The following NEDD9 variants were observed in gnomAD, a reference collection of about 807,000 sequenced individuals.
The protein encoded by NEDD9 is neural precursor cell expressed, developmentally down-regulated 9, also known as enhancer of filamentation 1.
In NEDD9, 26 loss-of-function variants were observed where a neutral mutation model predicts 76.6. That is an observed-to-expected ratio of 0.34 (90% CI 0.25 to 0.47). The LOEUF (loss-of-function observed/expected upper bound fraction) is 0.47, where lower values mean the gene tolerates loss of function less well. Among genes scored for constraint, NEDD9 ranks in the 20% least tolerant of loss-of-function variants. The probability of loss-of-function intolerance (pLI) is 1.00; values close to 1 mark genes in which losing one functional copy is unlikely to be tolerated. For synonymous variants in NEDD9, 392 were observed against 414.2 expected, an observed-to-expected ratio of 0.95 and a Z score of 0.65; for missense variants, 937 against 1,058.5, an observed-to-expected ratio of 0.89 and a Z score of 1.59.
chr6:11,189,208 G>A (rs747542401), intron 5 of NEDD9, among the ~76,000 whole-genome samples: 1 of 152,174 alleles, frequency 6.6e-6, no homozygotes, highest in Non-Finnish European at 1.5e-5. Context: ...GCCTCCCAAA[G>A]TGCTGGGATT....
chr6:11,276,762 G>A (rs1395116997), intron 3 of NEDD9, among the ~76,000 whole-genome samples: 1 of 152,178 alleles, frequency 6.6e-6, no homozygotes, highest in Non-Finnish European at 1.5e-5. Context: ...GAGCACAGTA[G>A]TAACATGTGC....
At chr6:11,281,800 C>T (rs186926226) in intron 3 of NEDD9, among the ~76,000 whole-genome samples, 137 of 152,300 alleles carry the variant, frequency 9.0e-4, no homozygotes, top group African/African-American at 3.0e-3. Flanking sequence ...GTCACCCAGG[C>T]TGGGGTGCTG....
At position 11,240,059 on chromosome 6, in the gene NEDD9, A is replaced by G. The variant is rs534571433; in HGVS notation, c.13-26332T>C. ...CTTCATCTCAAAAAAAAAAAAAAAA[A>G]AAAAGAAATTTGTTTCTGCAGATGG... On this transcript the variant is annotated intron_variant, in intron 3 of 3. Transcript: ENST00000397378. Among the ~76,000 whole-genome samples, 10 of 151,762 alleles carry G rather than the reference A, an allele frequency of 6.6e-5. No homozygotes were observed. The South Asian group carries it at 1.5e-3, about 22-fold the overall frequency.
chr6:11,376,802 C>CA (rs1762974319), intron 1 of NEDD9, among the ~76,000 whole-genome samples: 1 of 152,204 alleles, frequency 6.6e-6, no homozygotes, highest in Non-Finnish European at 1.5e-5. Context: ...CAAGACAAGG[C>CA]AAAAACCCTC....
At chr6:11,210,367 C>T (rs913002612) in intron 2 of NEDD9, among the ~76,000 whole-genome samples, 3 of 152,154 alleles carry the variant, frequency 2.0e-5, no homozygotes, top group African/African-American at 7.2e-5. Context: ...TCCTTATTTT[C>T]TTATTCAAGA....
At chr6:11,355,726 T>A (rs925908341) in intron 1 of NEDD9, among the ~76,000 whole-genome samples, 22 of 151,132 alleles carry the variant, frequency 1.5e-4, no homozygotes, top group East Asian at 3.9e-4. Context: ...TTTTTTTTTT[T>A]AATTATTTTT....
chr6:11,337,844 C>T (rs900414652), intron 1 of NEDD9, among the ~76,000 whole-genome samples: 10 of 152,202 alleles, frequency 6.6e-5, no homozygotes, highest in African/African-American at 2.4e-4. Flanking sequence ...AGTTTAAGCT[C>T]TCTTCTTTCC....
At chr6:11,302,374 A>G (rs1224737087) in intron 3 of NEDD9, among the ~76,000 whole-genome samples, 1 of 152,212 alleles carries the variant, frequency 6.6e-6, no homozygotes, top group Admixed American at 6.5e-5. Context: ...GCAATAATTA[A>G]TAGCCTACCA....
Position 11,326,643 on chromosome 6 carries a change from T to C in NEDD9, c.-153+7858A>G, listed in dbSNP as rs144871440. ...CCAGTGTGGATTCATATTTTTTAAA[T>C]CATAAAAATTCACCAGCTTCCCTCT... is the stretch of plus-strand genomic sequence containing the variant. On this transcript the variant is annotated intron_variant, in intron 2 of 3. Coordinates refer to the NEDD9 transcript ENST00000397378. 3.1e-3 allele frequency among the ~76,000 whole-genome samples: 468 copies of C among 152,324 alleles called. 1 individual carries two copies. Among genetic ancestry groups the C allele is most frequent in the Non-Finnish European group, 5.4e-3 (366 of 68,032 alleles).
At chr6:11,330,982 A>T (rs1382595330) in intron 2 of NEDD9, among the ~76,000 whole-genome samples, 1 of 152,170 alleles carries the variant, frequency 6.6e-6, no homozygotes, top group Non-Finnish European at 1.5e-5. Context: ...TATTGTGTAG[A>T]TACTCTACTC....
chr6:11,236,877 A>G (rs139571675), upstream of NEDD9, among the ~76,000 whole-genome samples: 133 of 152,220 alleles, frequency 8.7e-4, no homozygotes, highest in Non-Finnish European at 1.5e-3. This position sits in a 1 kb window ranked among gnomAD's most constrained non-coding sequence, Gnocchi z 5.5. Flanking sequence ...GGCATGGACC[A>G]CCATCTGAAC....
intron 3 of NEDD9, among the ~76,000 whole-genome samples, chr6:11,301,559 T>C (rs1761044588): frequency 6.6e-6 from 1 of 152,340 alleles, no homozygotes; most frequent in Middle Eastern, 3.4e-3. Context: ...ATCAACAGAA[T>C]ATACATTCTT....
chr6:11,347,362 G>C (rs956968810), intron 1 of NEDD9, among the ~76,000 whole-genome samples: 13 of 152,132 alleles, frequency 8.5e-5, no homozygotes, highest in Non-Finnish European at 1.3e-4. Context: ...ACAAAGAAGA[G>C]CTGGTACTGA....
chr6:11,189,913 G>T (rs763679711), intron 5 of NEDD9, 51 bp downstream of exon 5: 2 of 1,494,172 alleles, frequency 1.3e-6, no homozygotes, highest in African/African-American at 1.4e-5. Context: ...TCTTTCTCAG[G>T]CTCCCTGCAT....
chr6:11,318,089 C>A (rs931388410), intron 2 of NEDD9, among the ~76,000 whole-genome samples: 1 of 152,146 alleles, frequency 6.6e-6, no homozygotes, highest in Non-Finnish European at 1.5e-5. Flanking sequence ...GGGTCTCAAA[C>A]CTGCTGGCCT....
chr6:11,324,355 C>T (rs1415959757), intron 2 of NEDD9, among the ~76,000 whole-genome samples: 1 of 152,206 alleles, frequency 6.6e-6, no homozygotes, highest in Non-Finnish European at 1.5e-5. Flanking sequence ...GCTGTGCACA[C>T]TGCCCTGTGT....
chr6:11,352,311 A>G (rs1228795593), intron 1 of NEDD9: 12 of 151,890 alleles, frequency 7.9e-5, no homozygotes, highest in African/African-American at 2.7e-4. Flanking sequence ...ATGTTTACAG[A>G]CACTGAGCCC....
At position 11,209,729 on chromosome 6, in the gene NEDD9, T is replaced by A. The variant is rs141287885; in HGVS notation, c.459+3552A>T. Among the ~76,000 whole-genome samples the A allele has an allele frequency of 4.6e-5, 7 of 152,332 alleles. No individual in the cohort carries two copies. The East Asian group carries it at 1.3e-3, about 29-fold the overall frequency. ...ATGGTCAGTAACTTACCAAAGGATA[T>A]ACAGCTATGGAGAAACAACCCAGCA... On this transcript the variant is annotated intron_variant, in intron 2 of 6. Transcript: ENST00000379446.
At chr6:11,208,124 G>A (rs10807059) in intron 2 of NEDD9, among the ~76,000 whole-genome samples, 19 of 150,598 alleles carry the variant, frequency 1.3e-4, no homozygotes, top group East Asian at 3.9e-4. Context: ...GTTGCAGTGA[G>A]CCGAGATGGC....
Sources: allele counts gnomAD v4.1 joint callset (sites outside exome capture counted in the v4.1 genomes callset), GRCh38; gene constraint gnomAD v4.1.1; non-coding constraint Gnocchi (gnomAD v3.1); transcripts MANE v1.5; gene names NCBI Gene and HGNC (gene_info 2026-07-23, HGNC 2026-07-21).